Variants in AGBL4 observed in about 807,000 individuals in gnomAD.
AGBL4 encodes the protein AGBL carboxypeptidase 4.
In AGBL4, 58 loss-of-function variants were observed where a neutral mutation model predicts 66.4. The ratio of observed to expected loss-of-function variants is 0.87; its 90% CI spans 0.71 to 1.09. The LOEUF (loss-of-function observed/expected upper bound fraction) is 1.09, where lower values mean the gene tolerates loss of function less well. AGBL4 is among the 50% of genes least tolerant of loss of function. The pLI is 0.00. For missense variants in AGBL4, 579 were observed against 631.0 expected (o/e 0.92, Z 0.88); for synonymous variants, 234 against 222.9 (o/e 1.05, Z -0.44).
intron 6 of AGBL4, among the ~76,000 whole-genome samples, chr1:48,762,614 T>TTGTGTGTGTGTGTGTG (rs58396843): frequency 9.0e-4 from 68 of 75,158 alleles, no homozygotes; most frequent in African/African-American, 2.6e-3. Flanking sequence ...TTTAAGGGTT[T>TTGTGTGTGTGTGTGTG]TGTGTGTGTG....
At chr1:48,569,787 C>T (rs918340806) in intron 11 of AGBL4, among the ~76,000 whole-genome samples, 1 of 152,196 alleles carries the variant, frequency 6.6e-6, no homozygotes, top group Non-Finnish European at 1.5e-5. Flanking sequence ...CCTTGAGCAT[C>T]AATCTGCCCC....
chr1:48,600,576 G>A (rs1645060693), intron 9 of AGBL4, among the ~76,000 whole-genome samples: 1 of 152,176 alleles, frequency 6.6e-6, no homozygotes, highest in African/African-American at 2.4e-5. Flanking sequence ...GTATGGTTCT[G>A]TAATTATAAC....
intron 4 of AGBL4, among the ~76,000 whole-genome samples, chr1:49,049,374 T>A (rs1330899852): frequency 6.6e-6 from 1 of 152,092 alleles, no homozygotes; most frequent in Non-Finnish European, 1.5e-5. Flanking sequence ...GACTATTGAG[T>A]CTTCCTTATT....
intron 3 of AGBL4, among the ~76,000 whole-genome samples, chr1:49,483,819 A>G (rs1647007361): frequency 6.6e-6 from 1 of 152,052 alleles, no homozygotes; most frequent in Admixed American, 6.6e-5. Context: ...GAGACAACCC[A>G]TAGAATGGCA....
intron 6 of AGBL4, among the ~76,000 whole-genome samples, chr1:48,750,136 T>TG (rs1372886972): frequency 3.3e-5 from 5 of 152,196 alleles, no homozygotes; most frequent in African/African-American, 1.2e-4. Context: ...AGGGACCATA[T>TG]GGGATTCATC....
At chr1:49,530,278 A>AAAAAAAAAAAAAAAAAAAAAAAAAAAAAC (rs1186915086) in intron 3 of AGBL4, among the ~76,000 whole-genome samples, 2 of 145,116 alleles carry the variant, frequency 1.4e-5, no homozygotes, top group Non-Finnish European at 3.1e-5. Flanking sequence ...AAAAACAAAA[A>AAAAAAAAAAAAAAAAAAAAAAAAAAAAAC]AAAACTCTAT....
chr1:49,143,781 G>C (rs76973819), intron 4 of AGBL4, among the ~76,000 whole-genome samples: 3,626 of 152,260 alleles, frequency 0.024, 121 homozygotes, highest in African/African-American at 0.083. Flanking sequence ...CAAAAACAAA[G>C]ATGTAGAAGT....
chr1:49,199,568 A>T (rs1647522510), intron 4 of AGBL4, among the ~76,000 whole-genome samples: 3 of 152,130 alleles, frequency 2.0e-5, no homozygotes, highest in Non-Finnish European at 4.4e-5. Context: ...GGAAGATCTC[A>T]TTTTTATCCC....
chr1:49,767,364 C>T (rs915069416), intron 2 of AGBL4, among the ~76,000 whole-genome samples: 17 of 151,286 alleles, frequency 1.1e-4, no homozygotes, highest in African/African-American at 3.6e-4. Flanking sequence ...GACCTTAGGG[C>T]GAACAATGAA....
intron 6 of AGBL4, among the ~76,000 whole-genome samples, chr1:48,805,836 CT>C (rs1398258679): frequency 1.3e-5 from 2 of 152,180 alleles, no homozygotes; most frequent in Non-Finnish European, 2.9e-5. Context: ...AGATGAGATT[CT>C]GTGCAGAGAA....
intron 2 of AGBL4, among the ~76,000 whole-genome samples, chr1:49,782,511 A>T (rs544275833): frequency 6.6e-6 from 1 of 152,300 alleles, no homozygotes; most frequent in Admixed American, 6.5e-5. Flanking sequence ...CGAATCCTCC[A>T]TGTGATGTAC....
chr1:49,892,739 G>A (rs1218378139), intron 1 of AGBL4, among the ~76,000 whole-genome samples: 2 of 152,218 alleles, frequency 1.3e-5, no homozygotes, highest in African/African-American at 4.8e-5. Flanking sequence ...AGCTGAATAA[G>A]TATTATTATT....
intron 5 of AGBL4, among the ~76,000 whole-genome samples, chr1:49,009,236 A>C (rs1662157339): frequency 6.6e-6 from 1 of 152,160 alleles, no homozygotes; most frequent in Non-Finnish European, 1.5e-5. Flanking sequence ...ACCATCAGAG[A>C]ATACTACAAA....
At chr1:49,564,177 G>C (rs1644130662) in intron 3 of AGBL4, among the ~76,000 whole-genome samples, 1 of 151,880 alleles carries the variant, frequency 6.6e-6, no homozygotes. Flanking sequence ...ATTTTTTATT[G>C]CGTCTATTTG....
intron 6 of AGBL4, among the ~76,000 whole-genome samples, chr1:48,837,117 A>C (rs935819798): frequency 2.0e-5 from 3 of 151,316 alleles, no homozygotes; most frequent in African/African-American, 7.2e-5. Flanking sequence ...AGTTCTATGA[A>C]GGAAAATCAA....
chr1:48,778,924 A>G (rs570983281), intron 6 of AGBL4, among the ~76,000 whole-genome samples: 1 of 152,272 alleles, frequency 6.6e-6, no homozygotes, highest in South Asian at 2.1e-4. Flanking sequence ...AAAAATGACC[A>G]CCACTTGTCC....
chr1:48,814,206 G>C (rs1646122800), intron 6 of AGBL4, among the ~76,000 whole-genome samples: 1 of 152,052 alleles, frequency 6.6e-6, no homozygotes. Flanking sequence ...CTCTTCTCTT[G>C]ATCTTCAGCC....
intron 3 of AGBL4, among the ~76,000 whole-genome samples, chr1:49,425,964 T>A (rs1387041024): frequency 6.6e-6 from 1 of 152,204 alleles, no homozygotes; most frequent in African/African-American, 2.4e-5. Flanking sequence ...TTAACCTCAC[T>A]GAGCCTCAGT....
Position 49,008,569 on chromosome 1 carries a change from T to C in AGBL4, c.594+37015A>G, listed in dbSNP as rs905717518. On this transcript the variant is annotated intron_variant, in intron 5 of 13. Coordinates refer to ENST00000371839, the MANE Select transcript of AGBL4 (RefSeq NM_032785.4). ...AACTCTCCACCACAAATCAACAGAA[T>C]ATACATTTTTTTCAGCACCACACCA... is the stretch of plus-strand genomic sequence containing the variant. Among the ~76,000 whole-genome samples the C allele has an allele frequency of 1.7e-3, 247 of 147,430 alleles. 3 individuals are homozygous for C. Among genetic ancestry groups the C allele is most frequent in the African/African-American group, 5.9e-3 (229 of 39,122 alleles).
Sources: gnomAD v4.1 joint callset for allele counts (sites outside exome capture counted in the v4.1 genomes callset) on GRCh38, gnomAD v4.1.1 for gene constraint, MANE v1.5 for transcripts, NCBI Gene and HGNC (gene_info 2026-07-23, HGNC 2026-07-21) for gene names.